STRN: variants seen among roughly 807,000 people sequenced by gnomAD.
The protein encoded by STRN is striatin.
A neutral mutation model predicts 96.3 loss-of-function variants in STRN; 53 were observed. The observed-to-expected ratio is 0.55, with a 90% confidence interval of 0.44 to 0.69. STRN has a LOEUF of 0.69. Ranked by LOEUF, STRN falls within the 30% of genes least tolerant of loss-of-function variation. STRN has a pLI of 0.00. For missense variants in STRN, 987 were observed against 963.9 expected (o/e 1.02, Z -0.32); for synonymous variants, 428 against 355.9 (o/e 1.20, Z -2.28).
chr2:36,864,383 G>A (rs140444747), intron 12 of STRN, among the ~76,000 whole-genome samples: 1,950 of 152,208 alleles, frequency 0.013, 47 homozygotes, highest in African/African-American at 0.043. Flanking sequence ...GAATTTTATC[G>A]AAAGCCTTTT....
At chr2:36,922,469 T>C (rs888344802) in intron 2 of STRN, among the ~76,000 whole-genome samples, 3 of 142,714 alleles carry the variant, frequency 2.1e-5, no homozygotes, top group Non-Finnish European at 4.5e-5. Flanking sequence ...CAGTGAATCA[T>C]GACTGTGCCA....
chr2:36,912,235 C>T (rs1253482657), intron 3 of STRN, among the ~76,000 whole-genome samples: 3 of 152,188 alleles, frequency 2.0e-5, no homozygotes, highest in Non-Finnish European at 4.4e-5. Context: ...ACACATCACA[C>T]GTGTGCGTGA....
chr2:36,849,316 C>T lies in STRN; in HGVS notation c.*140G>A. ...AGAAAACAGTATATGAATTGCAAAA[C>T]TATACTTCAACAAATGTTCTCTGTG... On this transcript the variant is annotated 3_prime_UTR_variant, in exon 18 of 18. Coordinates refer to ENST00000263918, the MANE Select transcript of STRN (RefSeq NM_003162.4). The T allele has an allele frequency of 9.7e-7, 1 of 1,028,742 alleles. No homozygotes were observed. The highest frequency in any genetic ancestry group is 1.4e-6 in the Non-Finnish European group (1 of 720,896). 63.7% of individuals were successfully genotyped at this position (1,028,742 alleles called of 1,614,324 possible). A position where few individuals can be genotyped will look rare whatever the true frequency, so the allele number is the denominator to read the frequency against.
chr2:36,839,875 G>A lies in STRN; in HGVS notation c.*9581C>T, dbSNP rs554789874. 11 of 152,258 alleles carry A rather than the reference G, an allele frequency of 7.2e-5. No homozygotes were observed. The South Asian group carries it at 2.3e-3, about 32-fold the overall frequency. The allele number at this position is 152,258 out of a possible 1,614,324, so 9.4% of individuals were successfully genotyped here. ...ATAGTTGGTCTCTAACTTGTTGACT[G>A]TTTTATTCCTAAAACAATTGCACTG... On this transcript the variant is annotated 3_prime_UTR_variant, in exon 18 of 18. Coordinates refer to ENST00000263918, the MANE Select transcript of STRN (RefSeq NM_003162.4).
chr2:36,914,319 TG>T (rs1020165128), intron 3 of STRN, among the ~76,000 whole-genome samples: 2 of 152,236 alleles, frequency 1.3e-5, no homozygotes, highest in African/African-American at 4.8e-5. Context: ...AAAAATATAT[TG>T]CATCTAGGCT....
chr2:36,900,719 T>A (rs1669659488), intron 5 of STRN, among the ~76,000 whole-genome samples: 1 of 151,830 alleles, frequency 6.6e-6, no homozygotes, highest in South Asian at 2.1e-4. Flanking sequence ...ATGGTGAAAC[T>A]CCATCTCTAC....
At chr2:36,949,044 T>C (rs1364368641) in intron 1 of STRN, among the ~76,000 whole-genome samples, 1 of 152,250 alleles carries the variant, frequency 6.6e-6, no homozygotes, top group Admixed American at 6.5e-5. Flanking sequence ...CCCATAACTA[T>C]AACCATAAGG....
chr2:36,886,144 T>C (rs1024756947), intron 8 of STRN, among the ~76,000 whole-genome samples: 1 of 152,164 alleles, frequency 6.6e-6, no homozygotes, highest in Non-Finnish European at 1.5e-5. Context: ...TTGGTAATAA[T>C]GTTATAAGTA....
At chr2:36,875,505 CAAAAAAAAAAA>C (rs70946953) in intron 10 of STRN, among the ~76,000 whole-genome samples, 10 of 50,974 alleles carry the variant, frequency 2.0e-4, no homozygotes, top group Admixed American at 6.9e-4. Context: ...GACTCTGCCT[CAAAAAAAAAAA>C]AAAAAAAAAA....
intron 3 of STRN, among the ~76,000 whole-genome samples, chr2:36,915,139 G>C (rs1263404458): frequency 1.3e-5 from 2 of 148,934 alleles, no homozygotes; most frequent in East Asian, 4.0e-4. Flanking sequence ...GGAGCTTGCA[G>C]TGAGCCGAGA....
chr2:36,869,841 T>A, intron 10 of STRN, 112 bp from the exon 11 acceptor site: 1 of 824,054 alleles, frequency 1.2e-6, no homozygotes, highest in Non-Finnish European at 1.7e-6. Flanking sequence ...CACTTTGCAA[T>A]TTTTAAAACA....
At chr2:36,922,736 A>C (rs1052132777) in intron 2 of STRN, among the ~76,000 whole-genome samples, 1 of 152,110 alleles carries the variant, frequency 6.6e-6, no homozygotes, top group African/African-American at 2.4e-5. Flanking sequence ...TCCATGTCAA[A>C]CATGTTCTCT....
chr2:36,907,209 G>A (rs147699348), intron 3 of STRN, among the ~76,000 whole-genome samples: 101 of 152,270 alleles, frequency 6.6e-4, no homozygotes, highest in African/African-American at 2.4e-3. Context: ...TTATTCAAGT[G>A]GAGATACAAT....
chr2:36,959,821 G>C (rs1462828468), intron 1 of STRN, among the ~76,000 whole-genome samples: 1 of 152,086 alleles, frequency 6.6e-6, no homozygotes, highest in Non-Finnish European at 1.5e-5. Context: ...GCTGTATACT[G>C]GGGAGCTCAA....
intron 2 of STRN, among the ~76,000 whole-genome samples, chr2:36,917,397 T>C (rs1670132407): frequency 6.6e-6 from 1 of 151,746 alleles, no homozygotes; most frequent in Non-Finnish European, 1.5e-5. Flanking sequence ...GTGGTGTACC[T>C]GTAATCCCAG....
In STRN at chr2:36,950,065, G is replaced by GT. The variant is rs902644019; in HGVS notation, c.234+16164dup. Among the ~76,000 whole-genome samples the GT allele has an allele frequency of 4.6e-5, 7 of 151,928 alleles. No homozygotes were observed. In the East Asian group the frequency reaches 1.3e-3, roughly 29 times the overall value. ...AGGAACAGAGAGAGAGATGAGACTA[G>GT]TAAAAAAAACTGAAGGTAGTAAATG... is the stretch of plus-strand genomic sequence containing the variant. On this transcript the variant is annotated intron_variant, in intron 1 of 17. Coordinates refer to ENST00000263918, the MANE Select transcript of STRN (RefSeq NM_003162.4).
chr2:36,858,491 A>C (rs1355980722), intron 13 of STRN, among the ~76,000 whole-genome samples: 1 of 152,218 alleles, frequency 6.6e-6, no homozygotes, highest in Admixed American at 6.5e-5. Context: ...GTTTTTCCTG[A>C]AAATATGGCA....
Position 36,837,868 on chromosome 2 carries a change from T to C in STRN, c.*11588A>G, listed in dbSNP as rs1473280533. Among the ~76,000 whole-genome samples the C allele has an allele frequency of 6.6e-6, 1 of 152,012 alleles. No individual in the cohort carries two copies. The highest frequency in any genetic ancestry group is 2.4e-5 in the African/African-American group (1 of 41,376). ...ACTAGTTAACTAAAAAGACAAACGG[T>C]ACAAACATATGGACCAAAAATAAGA... On this transcript the variant is annotated 3_prime_UTR_variant, in exon 18 of 18. Coordinates refer to ENST00000263918, the MANE Select transcript of STRN (RefSeq NM_003162.4).
chr2:36,875,949 C>T (rs368904394), intron 10 of STRN, among the ~76,000 whole-genome samples: 3 of 152,002 alleles, frequency 2.0e-5, no homozygotes, highest in African/African-American at 7.3e-5. Flanking sequence ...AGCCACCGCG[C>T]CTGGCTTACA....
Sources: gnomAD v4.1 joint callset for allele counts (sites outside exome capture counted in the v4.1 genomes callset) on GRCh38, gnomAD v4.1.1 for gene constraint, MANE v1.5 for transcripts, NCBI Gene and HGNC (gene_info 2026-07-23, HGNC 2026-07-21) for gene names.